EEPD1: variants seen among roughly 807,000 people sequenced by gnomAD.
The protein encoded by EEPD1 is endonuclease/exonuclease/phosphatase family domain-containing protein 1.
Under a neutral mutation model 46.3 loss-of-function variants are expected in EEPD1, and 17 were observed. The ratio of observed to expected loss-of-function variants is 0.37; its 90% CI spans 0.25 to 0.55. EEPD1 has a LOEUF of 0.55. EEPD1 is among the 20% of genes least tolerant of loss of function. EEPD1 has a pLI of 0.83. For missense variants in EEPD1, 673 were observed against 745.6 expected, an observed-to-expected ratio of 0.90 and a Z score of 1.13; for synonymous variants, 313 against 315.6, an observed-to-expected ratio of 0.99 and a Z score of 0.09.
chr7:36,264,427 G>T (rs560142127), intron 3 of EEPD1, among the ~76,000 whole-genome samples: 2 of 152,246 alleles, frequency 1.3e-5, no homozygotes, highest in Admixed American at 1.3e-4. Context: ...CCTCCCACCC[G>T]CACAGAGCCA....
intron 3 of EEPD1, among the ~76,000 whole-genome samples, chr7:36,257,659 G>T (rs1786848135): frequency 6.6e-6 from 1 of 152,108 alleles, no homozygotes; most frequent in Non-Finnish European, 1.5e-5. Flanking sequence ...TCATGCTGTG[G>T]TTTTCAGCTC....
At chr7:36,239,736 G>A (rs1786523447) in intron 3 of EEPD1, among the ~76,000 whole-genome samples, 1 of 152,064 alleles carries the variant, frequency 6.6e-6, no homozygotes, top group South Asian at 2.1e-4. Context: ...GGTGGGGTGG[G>A]CTCCACAAAA....
At chr7:36,173,349 C>G (rs895756912) in intron 2 of EEPD1, among the ~76,000 whole-genome samples, 40 of 69,316 alleles carry the variant, frequency 5.8e-4, no homozygotes, top group Non-Finnish European at 1.1e-3. Flanking sequence ...AAAAAAAAAA[C>G]TTAGCTGGGT....
At chr7:36,283,111 G>T (rs910524315) in intron 4 of EEPD1, among the ~76,000 whole-genome samples, 5 of 152,172 alleles carry the variant, frequency 3.3e-5, no homozygotes, top group Non-Finnish European at 7.3e-5. Flanking sequence ...CTAGTAAGAT[G>T]AAATGATTTG....
chr7:36,274,997 C>A (rs2115858143), intron 3 of EEPD1, among the ~76,000 whole-genome samples: 1 of 152,310 alleles, frequency 6.6e-6, no homozygotes, highest in Non-Finnish European at 1.5e-5. Context: ...GGAGAACTCA[C>A]CTGTGCATCT....
chr7:36,255,503 AGAACTTGTTATTG>A (rs1786815495), intron 3 of EEPD1, among the ~76,000 whole-genome samples: 1 of 151,708 alleles, frequency 6.6e-6, no homozygotes, highest in Non-Finnish European at 1.5e-5. Context: ...TGGGCTTTTC[AGAACTTGTTATTG>A]GGCTATTCAG....
At chr7:36,192,004 T>C (rs1005768242) in intron 2 of EEPD1, among the ~76,000 whole-genome samples, 1 of 152,160 alleles carries the variant, frequency 6.6e-6, no homozygotes, top group African/African-American at 2.4e-5. Flanking sequence ...TACAAGAGTC[T>C]TTACGAGACT....
At chr7:36,176,247 C>T (rs1324024964) in intron 2 of EEPD1, among the ~76,000 whole-genome samples, 1 of 152,192 alleles carries the variant, frequency 6.6e-6, no homozygotes, top group Non-Finnish European at 1.5e-5. Flanking sequence ...GCCAGGCCTG[C>T]TGGTGGTGGC....
chr7:36,208,893 G>C (rs1451167315), intron 2 of EEPD1, among the ~76,000 whole-genome samples: 1 of 152,180 alleles, frequency 6.6e-6, no homozygotes, highest in African/African-American at 2.4e-5. Context: ...TATGAAATGA[G>C]GATTCAAACG....
At chr7:36,294,082 C>G (rs1480184432) in intron 6 of EEPD1, among the ~76,000 whole-genome samples, 1 of 151,780 alleles carries the variant, frequency 6.6e-6, no homozygotes, top group East Asian at 1.9e-4. Context: ...GTGAAAATAA[C>G]TATGTAAGTA....
At chr7:36,196,112 G>A (rs988155417) in intron 2 of EEPD1, among the ~76,000 whole-genome samples, 1 of 152,058 alleles carries the variant, frequency 6.6e-6, no homozygotes, top group African/African-American at 2.4e-5. Context: ...CATAGAAAAG[G>A]TACAGTAAAA....
intron 2 of EEPD1, among the ~76,000 whole-genome samples, chr7:36,171,716 A>G (rs1375596800): frequency 1.3e-5 from 2 of 152,350 alleles, no homozygotes; most frequent in East Asian, 1.9e-4. Context: ...GTGAGTAAGT[A>G]TAGTTGGGAA....
At chr7:36,269,015 A>T (rs1787064598) in intron 3 of EEPD1, among the ~76,000 whole-genome samples, 1 of 152,234 alleles carries the variant, frequency 6.6e-6, no homozygotes, top group Non-Finnish European at 1.5e-5. Flanking sequence ...AATTCTTCTC[A>T]TAGAAGAGAA....
intron 7 of EEPD1, among the ~76,000 whole-genome samples, chr7:36,297,725 A>G (rs1787549698): frequency 6.6e-6 from 1 of 152,230 alleles, no homozygotes. Context: ...TGTCTCATAT[A>G]GTGTCACAAT....
intron 2 of EEPD1, among the ~76,000 whole-genome samples, chr7:36,180,617 T>TAA (rs1256936970): frequency 6.6e-6 from 1 of 152,142 alleles, no homozygotes; most frequent in Non-Finnish European, 1.5e-5. Flanking sequence ...AGGGCAGCCC[T>TAA]GGGAAGTTTA....
intron 3 of EEPD1, among the ~76,000 whole-genome samples, chr7:36,279,054 T>G (rs1005546781): frequency 3.3e-5 from 5 of 152,000 alleles, no homozygotes; most frequent in Admixed American, 1.3e-4. Flanking sequence ...AGGCAACTAC[T>G]TGGATAATAG....
intron 3 of EEPD1, among the ~76,000 whole-genome samples, chr7:36,252,343 G>A (rs753691139): frequency 3.9e-5 from 6 of 152,018 alleles, no homozygotes; most frequent in East Asian, 1.9e-4. Flanking sequence ...ATCATGCCCC[G>A]CCCCCCTCCA....
chr7:36,281,751 T>C lies in EEPD1; in HGVS notation c.1041+526T>C, dbSNP rs143560730. ...GGTAAATCTCTGTAAATACACGTTT[T>C]CCCTCATATTATTATTCAAGGCCAG... On this transcript the variant is annotated intron_variant, in intron 4 of 7. Coordinates refer to ENST00000242108, the MANE Select transcript of EEPD1 (RefSeq NM_030636.3). 4.5e-3 allele frequency among the ~76,000 whole-genome samples: 693 copies of C among 152,322 alleles called. 4 individuals are homozygous for C. Among genetic ancestry groups the C allele is most frequent in the African/African-American group, 0.016 (648 of 41,554 alleles).
intron 2 of EEPD1, among the ~76,000 whole-genome samples, chr7:36,172,710 C>T (rs56354179): frequency 0.022 from 3,369 of 150,436 alleles, 115 homozygotes; most frequent in African/African-American, 0.078. Context: ...TCCATTGTGG[C>T]CCAGGGAAGC....
Sources: gnomAD v4.1 joint callset for allele counts (sites outside exome capture counted in the v4.1 genomes callset) on GRCh38, gnomAD v4.1.1 for gene constraint, MANE v1.5 for transcripts, NCBI Gene and HGNC (gene_info 2026-07-23, HGNC 2026-07-21) for gene names.